Variants in EEPD1 observed in about 807,000 individuals in gnomAD.
EEPD1 encodes endonuclease/exonuclease/phosphatase family domain-containing protein 1.
In EEPD1, 17 loss-of-function variants were observed where a neutral mutation model predicts 46.3. The ratio of observed to expected loss-of-function variants is 0.37; its 90% CI spans 0.25 to 0.55. The LOEUF is 0.55. Ranked by LOEUF, EEPD1 falls within the 20% of genes least tolerant of loss-of-function variation. The pLI, the probability that EEPD1 is intolerant of heterozygous loss-of-function variation, is 0.83. For synonymous variants in EEPD1, 313 were observed against 315.6 expected (o/e 0.99, Z 0.09); for missense variants, 673 against 745.6 (o/e 0.90, Z 1.13).
At chr7:36,179,615 C>G (rs1336488553) in intron 2 of EEPD1, among the ~76,000 whole-genome samples, 1 of 146,260 alleles carries the variant, frequency 6.8e-6, no homozygotes, top group Non-Finnish European at 1.5e-5. Flanking sequence ...AATCCCAGCA[C>G]TTTAGGAGGC....
chr7:36,163,861 G>A (rs537076618), intron 2 of EEPD1, among the ~76,000 whole-genome samples: 78 of 142,344 alleles, frequency 5.5e-4, no homozygotes, highest in African/African-American at 2.0e-3. Context: ...CTGGGGGACA[G>A]AGCAAGACTC....
At chr7:36,195,641 A>C (rs1785567289) in intron 2 of EEPD1, among the ~76,000 whole-genome samples, 1 of 152,160 alleles carries the variant, frequency 6.6e-6, no homozygotes, top group East Asian at 1.9e-4. Context: ...AGGATACAAA[A>C]TTTCAGTTAG....
intron 2 of EEPD1, among the ~76,000 whole-genome samples, chr7:36,224,528 TA>T (rs1360966640): frequency 6.6e-6 from 1 of 152,236 alleles, no homozygotes; most frequent in African/African-American, 2.4e-5. Context: ...AAAAACCATC[TA>T]CAGCAGACTC....
At chr7:36,253,366 A>C (rs1786778834) in intron 3 of EEPD1, among the ~76,000 whole-genome samples, 2 of 152,202 alleles carry the variant, frequency 1.3e-5, no homozygotes, top group African/African-American at 4.8e-5. Context: ...GCCTAACATA[A>C]GGTCTGTCCC....
chr7:36,198,379 A>C (rs1170765990), intron 2 of EEPD1, among the ~76,000 whole-genome samples: 1 of 144,556 alleles, frequency 6.9e-6, no homozygotes, highest in East Asian at 2.1e-4. Context: ...TTCCTGAAAA[A>C]CTAAATCAAA....
intron 4 of EEPD1, among the ~76,000 whole-genome samples, chr7:36,284,002 C>T (rs1253179839): frequency 1.3e-5 from 2 of 152,308 alleles, no homozygotes; most frequent in East Asian, 1.9e-4. Flanking sequence ...GCGGCAGCAG[C>T]GCAAAGCAGG....
intron 2 of EEPD1, among the ~76,000 whole-genome samples, chr7:36,167,912 G>A (rs367670932): frequency 2.9e-4 from 44 of 152,044 alleles, no homozygotes; most frequent in African/African-American, 9.2e-4. Flanking sequence ...ATGGGGTTTC[G>A]CCACATTGGC....
rs1425832467 is a variant in EEPD1 at position 36,209,898 on chromosome 7, TG to T, written c.879-29081del. Reference sequence around the variant, plus strand: ...GATCACATTTCAGCACGAGATTTGTTGGGGGGCAAACATCCAAACTATATCA... The same window carrying T: ...GATCACATTTCAGCACGAGATTTGTTGGGGGCAAACATCCAAACTATATCA... On this transcript the variant is annotated intron_variant, in intron 2 of 7. Transcript: ENST00000242108. Among the ~76,000 whole-genome samples the T allele has an allele frequency of 2.0e-5, 3 of 152,210 alleles. No homozygotes were observed. In the South Asian group the frequency reaches 6.2e-4, roughly 32 times the overall value.
intron 6 of EEPD1, among the ~76,000 whole-genome samples, chr7:36,291,843 G>A (rs540938195): frequency 7.9e-5 from 12 of 152,318 alleles, no homozygotes; most frequent in African/African-American, 2.6e-4. Flanking sequence ...CCTGCTGTGG[G>A]ACAACAAGGG....
intron 2 of EEPD1, among the ~76,000 whole-genome samples, chr7:36,185,005 C>T (rs1397872076): frequency 6.6e-6 from 1 of 152,100 alleles, no homozygotes; most frequent in Non-Finnish European, 1.5e-5. Flanking sequence ...TGCTGGGATT[C>T]CAGGCGTGAG....
At chr7:36,197,342 G>A (rs573222232) in intron 2 of EEPD1, among the ~76,000 whole-genome samples, 23 of 149,930 alleles carry the variant, frequency 1.5e-4, no homozygotes, top group African/African-American at 4.9e-4. Context: ...GGTGAGGGGC[G>A]CCTCTGCCCG....
intron 2 of EEPD1, among the ~76,000 whole-genome samples, chr7:36,201,006 G>T (rs1021766298): frequency 1.3e-5 from 2 of 152,170 alleles, no homozygotes; most frequent in African/African-American, 4.8e-5. Flanking sequence ...CTGTCATCCT[G>T]TATCTCTTGA....
At chr7:36,236,994 C>T (rs1422457511) in intron 2 of EEPD1, among the ~76,000 whole-genome samples, 2 of 152,234 alleles carry the variant, frequency 1.3e-5, no homozygotes, top group African/African-American at 4.8e-5. Flanking sequence ...AATCTTACTG[C>T]TGCTCCCTCT....
At chr7:36,208,318 C>A (rs528688025) in intron 2 of EEPD1, among the ~76,000 whole-genome samples, 2 of 152,276 alleles carry the variant, frequency 1.3e-5, no homozygotes, top group South Asian at 2.1e-4. Context: ...CTGTATTCCC[C>A]CTCCCTCATT....
intron 3 of EEPD1, among the ~76,000 whole-genome samples, chr7:36,272,240 A>G (rs893298170): frequency 1.3e-5 from 2 of 152,162 alleles, no homozygotes; most frequent in African/African-American, 4.8e-5. Context: ...CTTAATTCCC[A>G]TCTAGGATTA....
chr7:36,226,543 C>T, intron 2 of EEPD1, among the ~76,000 whole-genome samples: 1 of 152,174 alleles, frequency 6.6e-6, no homozygotes, highest in East Asian at 1.9e-4. Context: ...TCAGGAACTA[C>T]TCAAATGCTT....
At chr7:36,275,873 A>G (rs373065746) in intron 3 of EEPD1, among the ~76,000 whole-genome samples, 2 of 152,196 alleles carry the variant, frequency 1.3e-5, no homozygotes, top group African/African-American at 4.8e-5. Flanking sequence ...CACAAGCAAC[A>G]TATCGGTTGG....
At chr7:36,237,107 C>A in intron 2 of EEPD1, among the ~76,000 whole-genome samples, 1 of 152,190 alleles carries the variant, frequency 6.6e-6, no homozygotes, top group East Asian at 1.9e-4. Context: ...ACTCCACACG[C>A]GCCGCCTTTA....
chr7:36,200,539 A>T (rs1225521896), intron 2 of EEPD1, among the ~76,000 whole-genome samples: 1 of 152,218 alleles, frequency 6.6e-6, no homozygotes, highest in Non-Finnish European at 1.5e-5. Flanking sequence ...TAAGAGGCCA[A>T]TTCTAAAAAG....
Sources: allele counts gnomAD v4.1 joint callset (sites outside exome capture counted in the v4.1 genomes callset), GRCh38; gene constraint gnomAD v4.1.1; transcripts MANE v1.5; gene names NCBI Gene and HGNC (gene_info 2026-07-23, HGNC 2026-07-21).